SMCHD1: variants seen among roughly 807,000 people sequenced by gnomAD.
The protein encoded by SMCHD1 is structural maintenance of chromosomes flexible hinge domain-containing protein 1.
Under a neutral mutation model 254.7 loss-of-function variants are expected in SMCHD1, and 78 were observed. The observed-to-expected ratio is 0.31, with a 90% CI of 0.26 to 0.37. SMCHD1 has a LOEUF of 0.37. Ranked by LOEUF, SMCHD1 falls within the 10% of genes least tolerant of loss-of-function variation. SMCHD1 has a pLI of 1.00. For missense variants in SMCHD1, 1,840 were observed against 2,408.1 expected (o/e 0.76, Z 4.94); for synonymous variants, 766 against 794.9 (o/e 0.96, Z 0.61).
chr18:2,663,881 AT>A (rs1346008523), intron 1 of SMCHD1, among the ~76,000 whole-genome samples: 3 of 151,826 alleles, frequency 2.0e-5, no homozygotes, highest in Non-Finnish European at 4.4e-5. Context: ...CGCCTGGCTA[AT>A]TTTTTTGTAC....
Position 2,732,813 on chromosome 18 carries a change from G to A in SMCHD1, c.3276+321G>A, listed in dbSNP as rs117584885. 0.018 allele frequency among the ~76,000 whole-genome samples: 2,730 copies of A among 152,310 alleles called. 40 individuals are homozygous for A. The highest frequency in any genetic ancestry group is 0.1 in the Middle Eastern group (30 of 294). ...CAACATCACCACCTTGATAAAGCTA[G>A]CAATAAATTGGTAGCAGTTCTGAAA... On this transcript the variant is annotated intron_variant, in intron 25 of 47. Transcript: ENST00000320876.
intron 19 of SMCHD1, among the ~76,000 whole-genome samples, chr18:2,721,107 A>G (rs1445527538): frequency 6.6e-6 from 1 of 152,184 alleles, no homozygotes; most frequent in Admixed American, 6.5e-5. Flanking sequence ...CAATTTCACT[A>G]CAACTTTATA....
At chr18:2,690,595 C>T (rs1286439383) in intron 7 of SMCHD1, among the ~76,000 whole-genome samples, 1 of 151,890 alleles carries the variant, frequency 6.6e-6, no homozygotes, top group Non-Finnish European at 1.5e-5. Flanking sequence ...CTTCAGCCTC[C>T]TGAGTAGCTG....
intron 32 of SMCHD1, among the ~76,000 whole-genome samples, chr18:2,750,808 C>A (rs62077668): frequency 6.6e-6 from 1 of 151,930 alleles, no homozygotes; most frequent in Admixed American, 6.6e-5. Context: ...TTTTAATAAT[C>A]AAGTTACATG....
chr18:2,678,121 T>G (rs7231918), intron 5 of SMCHD1, among the ~76,000 whole-genome samples: 125,324 of 152,110 alleles, frequency 0.82, 55,080 homozygotes, highest in East Asian at 1. Context: ...GCCCTGTTAC[T>G]AGAGTTTTAT....
intron 45 of SMCHD1, among the ~76,000 whole-genome samples, chr18:2,790,915 A>G (rs975143575): frequency 6.6e-6 from 1 of 152,224 alleles, no homozygotes; most frequent in South Asian, 2.1e-4. Context: ...TCATATATCA[A>G]TTTTAAAAAT....
chr18:2,678,263 C>A (rs1441657500), intron 5 of SMCHD1, among the ~76,000 whole-genome samples: 1 of 135,206 alleles, frequency 7.4e-6, no homozygotes, highest in African/African-American at 2.9e-5. Context: ...TTCTCTCTCT[C>A]TCTCTCTCTC....
At chr18:2,714,353 C>A (rs2074749487) in intron 17 of SMCHD1, among the ~76,000 whole-genome samples, 2 of 152,054 alleles carry the variant, frequency 1.3e-5, no homozygotes, top group Admixed American at 1.3e-4. Context: ...TACCTTCAGT[C>A]TATAATTGTC....
chr18:2,711,808 T>G (rs1245482090), intron 17 of SMCHD1, among the ~76,000 whole-genome samples: 1 of 152,196 alleles, frequency 6.6e-6, no homozygotes, highest in African/African-American at 2.4e-5. Context: ...TCCCCGGTGT[T>G]GGAGGTGGGA....
chr18:2,701,469 A>G (rs923458243), intron 12 of SMCHD1, among the ~76,000 whole-genome samples: 6 of 152,126 alleles, frequency 3.9e-5, no homozygotes, highest in Non-Finnish European at 7.4e-5. Flanking sequence ...CCAAGATCTT[A>G]ATATCTAGCC....
At chr18:2,736,852 C>T (rs758679684) in intron 25 of SMCHD1, among the ~76,000 whole-genome samples, 1 of 152,140 alleles carries the variant, frequency 6.6e-6, no homozygotes, top group Non-Finnish European at 1.5e-5. Context: ...GATTTCTCAA[C>T]CTTAAATAGA....
intron 45 of SMCHD1, chr18:2,784,954 A>C (rs976071013): frequency 2.6e-6 from 1 of 385,052 alleles, no homozygotes; most frequent in East Asian, 7.4e-5. Context: ...TCTTAAAAAA[A>C]AAAAAAGAAG....
intron 1 of SMCHD1, among the ~76,000 whole-genome samples, chr18:2,657,114 C>T (rs192096803): frequency 9.9e-5 from 15 of 152,282 alleles, no homozygotes; most frequent in Admixed American, 7.2e-4. Context: ...GTTAAGAACA[C>T]TTAGCGTCCA....
intron 34 of SMCHD1, among the ~76,000 whole-genome samples, chr18:2,755,565 CTTT>C (rs11413061): frequency 9.2e-6 from 1 of 108,140 alleles, no homozygotes; most frequent in Non-Finnish European, 1.8e-5. Context: ...TTCTTTCTTT[CTTT>C]TTTTTTTTTT....
chr18:2,718,528 C>T lies in SMCHD1; in HGVS notation c.2458+94C>T. 9.2e-7 allele frequency: 1 copy of T among 1,081,752 alleles called. No individual in the cohort carries two copies. Among genetic ancestry groups the T allele is most frequent in the African/African-American group, 1.6e-5 (1 of 61,916 alleles). The allele number at this position is 1,081,752 out of a possible 1,614,324, so 67.0% of individuals were successfully genotyped here. Reference sequence around the variant, plus strand: ...GATAAGCCATTAAAAGATGTTTGAACAATTGGGTAACCATCTCGATTTTAT... The same window carrying T: ...GATAAGCCATTAAAAGATGTTTGAATAATTGGGTAACCATCTCGATTTTAT... On this transcript the variant is annotated intron_variant, in intron 19 of 47. Transcript: ENST00000320876. The surrounding 1 kb of genome is among the most constrained non-coding windows in gnomAD (Gnocchi z 4.6).
At position 2,762,187 on chromosome 18, in the gene SMCHD1, G is replaced by C. The variant is rs756166672; in HGVS notation, c.4517G>C (p.Arg1506Pro). ...CCTACACCAGCTGTTTCAAATGTTC[G>C]CTCAGTTGCCAGTAGGACCTTGGTC... Reference protein sequence around the residue: ...KPPTPAVSNVRSVASRTLVRD... With the variant: ...KPPTPAVSNVPSVASRTLVRD... Residue 1506 changes from arginine to proline, a missense_variant, in exon 36 of 48, where the codon CGC becomes CCC. Arg to Pro is a moderately radical substitution (Grantham distance 103). Transcript: ENST00000320876. 6.2e-7 allele frequency: 1 copy of C among 1,613,490 alleles called. No homozygotes were observed. Among genetic ancestry groups the C allele is most frequent in the Non-Finnish European group, 8.5e-7 (1 of 1,179,600 alleles).
At chr18:2,679,480 C>CAAAAGAAAAAA (rs2073872816) in intron 5 of SMCHD1, among the ~76,000 whole-genome samples, 1 of 58,676 alleles carries the variant, frequency 1.7e-5, no homozygotes, top group African/African-American at 4.2e-5. Context: ...ACTCCATCTC[C>CAAAAGAAAAAA]AAAAAAAAAA....
chr18:2,789,813 A>G (rs1054001209), intron 45 of SMCHD1, among the ~76,000 whole-genome samples: 25 of 152,340 alleles, frequency 1.6e-4, no homozygotes, highest in South Asian at 4.1e-4. Context: ...GGGAATAGAA[A>G]TACTTTTAAA....
intron 1 of SMCHD1, among the ~76,000 whole-genome samples, chr18:2,657,195 T>A (rs781640567): frequency 2.0e-5 from 3 of 152,220 alleles, no homozygotes; most frequent in Non-Finnish European, 2.9e-5. Context: ...CTAGACCATA[T>A]AACTGTATGG....
Sources: gnomAD v4.1 joint callset for allele counts (sites outside exome capture counted in the v4.1 genomes callset) on GRCh38, gnomAD v4.1.1 for gene constraint, Gnocchi (gnomAD v3.1) non-coding constraint, MANE v1.5 for transcripts, NCBI Gene and HGNC (gene_info 2026-07-23, HGNC 2026-07-21) for gene names.